Variants in NEK5 observed in about 807,000 individuals in gnomAD.
NEK5 encodes the protein NIMA related kinase 5.
In NEK5, 88 loss-of-function variants were observed where a neutral mutation model predicts 109.2. The observed-to-expected ratio is 0.81, with a 90% confidence interval of 0.68 to 0.96. The LOEUF (loss-of-function observed/expected upper bound fraction) is 0.96. Among genes scored for constraint, NEK5 ranks in the 40% least tolerant of loss-of-function variants. The pLI is 0.00. For missense variants in NEK5, 834 were observed against 920.7 expected (o/e 0.91, Z 1.22); for synonymous variants, 283 against 299.9 (o/e 0.94, Z 0.58).
chr13:52,037,995 C>T (rs1954378651), intron 23 of NEK5, among the ~76,000 whole-genome samples: 2 of 151,764 alleles, frequency 1.3e-5, no homozygotes, highest in African/African-American at 4.8e-5. Context: ...GTGTCTAAGA[C>T]TGCAACATTG....
intron 11 of NEK5, 51 bp downstream of exon 11, chr13:52,101,882 G>T: frequency 7.3e-7 from 1 of 1,378,160 alleles, no homozygotes; most frequent in Non-Finnish European, 1.0e-6. Flanking sequence ...TACTCTCTGT[G>T]TGAGACATGT....
chr13:52,118,735 T>C (rs1955909539), intron 4 of NEK5, among the ~76,000 whole-genome samples: 1 of 152,100 alleles, frequency 6.6e-6, no homozygotes, highest in South Asian at 2.1e-4. Context: ...GCGTGGCTGT[T>C]TGCTGGCTCT....
chr13:52,037,275 T>C (rs1415780332), intron 23 of NEK5, 57 bp from the exon 24 acceptor site: 2 of 848,578 alleles, frequency 2.4e-6, no homozygotes, highest in South Asian at 5.4e-5. Flanking sequence ...GAAGAATACA[T>C]GTAAAAACTC....
intron 12 of NEK5, 77 bp from the exon 13 acceptor site, chr13:52,093,312 C>T: frequency 9.2e-7 from 1 of 1,088,422 alleles, no homozygotes; most frequent in Non-Finnish European, 1.4e-6. Context: ...GTAACCCTAG[C>T]ACTTTGGGAG....
At chr13:52,120,712 A>G (rs1467355476) in intron 3 of NEK5, among the ~76,000 whole-genome samples, 1 of 152,096 alleles carries the variant, frequency 6.6e-6, no homozygotes, top group African/African-American at 2.4e-5. Context: ...GGAGTTCAAG[A>G]CCAGCCTGGC....
intron 15 of NEK5, among the ~76,000 whole-genome samples, chr13:52,087,134 C>T (rs1005706015): frequency 7.2e-5 from 11 of 152,182 alleles, no homozygotes; most frequent in Non-Finnish European, 1.6e-4. Flanking sequence ...CTCTATGAAT[C>T]TCAAGGTGAA....
intron 12 of NEK5, among the ~76,000 whole-genome samples, chr13:52,095,123 G>C (rs1955377244): frequency 6.6e-6 from 1 of 151,980 alleles, no homozygotes; most frequent in Non-Finnish European, 1.5e-5. Context: ...TTTTGTAGAG[G>C]TGGGGTCTCA....
chr13:52,108,388 G>T lies in NEK5; in HGVS notation c.484C>A (p.Arg162=). The T allele has an allele frequency of 6.2e-7, 1 of 1,603,380 alleles. No individual in the cohort carries two copies. The highest frequency in any genetic ancestry group is 1.1e-5 in the South Asian group (1 of 90,334). Residue 162 remains arginine, a synonymous_variant, in exon 8 of 24, where the codon CGA becomes AGA. Coordinates refer to ENST00000684899, the MANE Select transcript of NEK5 (RefSeq NM_001365552.1). ...TAGTAAGGTGTTCCAATACAAGTTC[G>T]AGCAAGTTCCATGGAACTAGTAAAT... ...RVLNNSMELA[R]TCIGTPYYLS...
chr13:52,047,123 G>A (rs1313894920), intron 23 of NEK5, among the ~76,000 whole-genome samples: 1 of 150,926 alleles, frequency 6.6e-6, no homozygotes, highest in Non-Finnish European at 1.5e-5. Flanking sequence ...GGGGAAATAG[G>A]CACTTCTAGA....
chr13:52,093,164 A>G lies in NEK5; in HGVS notation c.1098T>C (p.Asp366=), dbSNP rs538871396. The change falls in exon 13 of 24, where the codon GAT becomes GAC. Residue 366 remains aspartate (D), a synonymous_variant. Transcript: ENST00000684899. The stretch of plus-strand genomic sequence containing the variant: ...GTTTGTGGGCTCTCCTCCTCAGCAT[A>G]TCAAGTTGAGCATAATAATAATCAT... The part of the protein sequence containing the change: ...GHYDYYYAQL[D]MLRRRAHKPS... The G allele has an allele frequency of 6.2e-7, 1 of 1,613,280 alleles. No individual in the cohort carries two copies. Among genetic ancestry groups the G allele is most frequent in the South Asian group, 1.1e-5 (1 of 91,062 alleles).
chr13:52,071,464 A>G (rs557580474), intron 20 of NEK5, among the ~76,000 whole-genome samples: 1 of 152,364 alleles, frequency 6.6e-6, no homozygotes, highest in Admixed American at 6.5e-5. Flanking sequence ...GCACTCTTGC[A>G]ACGTATCTCT....
At chr13:52,112,189 T>C (rs1474307637) in intron 5 of NEK5, 79 bp downstream of exon 5, 1 of 705,588 alleles carries the variant, frequency 1.4e-6, no homozygotes, top group Non-Finnish European at 2.5e-6. Context: ...CAACATAGTC[T>C]ACTACTTATG....
chr13:52,063,845 CT>C (rs1165129523), intron 21 of NEK5, among the ~76,000 whole-genome samples: 1 of 152,110 alleles, frequency 6.6e-6, no homozygotes, highest in Non-Finnish European at 1.5e-5. Flanking sequence ...GGCAGCCACC[CT>C]GTCTGGGAAG....
chr13:52,100,539 G>A (rs1955508410), intron 11 of NEK5, among the ~76,000 whole-genome samples: 1 of 152,152 alleles, frequency 6.6e-6, no homozygotes, highest in Admixed American at 6.5e-5. Context: ...CAGGACTGAG[G>A]TATGAGTAGA....
intron 19 of NEK5, among the ~76,000 whole-genome samples, chr13:52,074,835 AAAG>A (rs1305860294): frequency 7.9e-5 from 12 of 152,246 alleles, no homozygotes; most frequent in Admixed American, 6.5e-4. Flanking sequence ...ACACTTCTCA[AAAG>A]AAGACATACA....
chr13:52,047,115 G>A (rs1488334538), intron 23 of NEK5, among the ~76,000 whole-genome samples: 2 of 150,876 alleles, frequency 1.3e-5, no homozygotes, highest in African/African-American at 5.0e-5. Flanking sequence ...AAGAGAATGG[G>A]GAAATAGGCA....
At chr13:52,069,764 C>T (rs1358273885) in intron 20 of NEK5, among the ~76,000 whole-genome samples, 1 of 152,210 alleles carries the variant, frequency 6.6e-6, no homozygotes, top group Non-Finnish European at 1.5e-5. Context: ...TTGGACTCTT[C>T]TCCTGCCTTC....
chr13:52,109,312 T>G (rs753676923), intron 7 of NEK5, among the ~76,000 whole-genome samples: 1 of 152,168 alleles, frequency 6.6e-6, no homozygotes, highest in South Asian at 2.1e-4. Context: ...TCAGGCACAG[T>G]TGACCAGCAT....
chr13:52,054,282 T>C lies in NEK5; in HGVS notation c.2111-4061A>G, dbSNP rs540561074. 3.3e-5 allele frequency among the ~76,000 whole-genome samples: 5 copies of C among 152,308 alleles called. No individual in the cohort carries two copies. In the South Asian group the frequency reaches 6.2e-4, roughly 19 times the overall value. Reference sequence around the variant, plus strand: ...GTTTCCTGAAAATTTCCAAACATAGTTGTTATGAAGGAATAAATAAATGTA... The same window carrying C: ...GTTTCCTGAAAATTTCCAAACATAGCTGTTATGAAGGAATAAATAAATGTA... On this transcript the variant is annotated intron_variant, in intron 22 of 23. Transcript: ENST00000684899.
Sources: gnomAD v4.1 joint callset for allele counts (sites outside exome capture counted in the v4.1 genomes callset) on GRCh38, gnomAD v4.1.1 for gene constraint, MANE v1.5 for transcripts, NCBI Gene and HGNC (gene_info 2026-07-23, HGNC 2026-07-21) for gene names.